CD46: variants seen among roughly 807,000 people sequenced by gnomAD.
CD46 encodes the protein CD46 molecule.
In CD46, 30 loss-of-function variants were observed where a neutral mutation model predicts 53.3. The ratio of observed to expected loss-of-function variants is 0.56; its 90% confidence interval spans 0.42 to 0.76. The LOEUF (loss-of-function observed/expected upper bound fraction) is 0.76. Among genes scored for constraint, CD46 ranks in the 30% least tolerant of loss-of-function variants. The probability of loss-of-function intolerance (pLI) is 0.00; values close to 1 mark genes in which losing one functional copy is unlikely to be tolerated. For missense variants in CD46, 409 were observed against 463.0 expected (o/e 0.88, Z 1.07); for synonymous variants, 142 against 152.0 (o/e 0.93, Z 0.48).
Position 207,761,394 on chromosome 1 carries a change from G to C in CD46, c.621G>C (p.Thr207=). 1 of 1,614,092 alleles carries C rather than the reference G, an allele frequency of 6.2e-7. No individual in the cohort carries two copies. Among genetic ancestry groups the C allele is most frequent in the Non-Finnish European group, 8.5e-7 (1 of 1,179,970 alleles). The part of the protein sequence containing the change: ...PDPFSLIGES[T]IYCGDNSVWS... ...CATTTTCACTTATTGGAGAGAGCACGATTTATTGTGGTGACAATTCAGTGT... is the reference window on the plus strand; with the variant it reads ...CATTTTCACTTATTGGAGAGAGCACCATTTATTGTGGTGACAATTCAGTGT... Residue 207 remains threonine (T), a synonymous_variant, in exon 5 of 13, where the codon ACG becomes ACC. Transcript: ENST00000367042.
chr1:207,758,816 G>A (rs1655861791), intron 3 of CD46, among the ~76,000 whole-genome samples: 1 of 152,026 alleles, frequency 6.6e-6, no homozygotes, highest in Non-Finnish European at 1.5e-5. Flanking sequence ...GCACACCGAG[G>A]GATACCAAAA....
At chr1:207,776,397 G>A (rs1658110217) in intron 8 of CD46, among the ~76,000 whole-genome samples, 1 of 152,210 alleles carries the variant, frequency 6.6e-6, no homozygotes, top group South Asian at 2.1e-4. Context: ...AGATGAACCA[G>A]GTATCTCAGT....
At chr1:207,767,382 TG>T (rs2102597510) in intron 6 of CD46, 187 bp downstream of exon 6, 1 of 720,546 alleles carries the variant, frequency 1.4e-6, no homozygotes, top group East Asian at 2.7e-5. Context: ...AAAATTCTGC[TG>T]TTGTGATTTT....
intron 4 of CD46, 47 bp downstream of exon 4, chr1:207,759,771 A>G (rs1421541878): frequency 1.8e-6 from 2 of 1,141,240 alleles, no homozygotes; most frequent in Non-Finnish European, 1.3e-6. Context: ...GTCCTCAAAG[A>G]TTTTTGCCTC....
intron 5 of CD46, among the ~76,000 whole-genome samples, chr1:207,765,688 G>A (rs1656763256): frequency 6.6e-6 from 1 of 152,194 alleles, no homozygotes; most frequent in Non-Finnish European, 1.5e-5. Context: ...GTATTGACAA[G>A]GATATGGAGC....
chr1:207,758,783 A>T (rs1445996689), intron 3 of CD46, among the ~76,000 whole-genome samples: 1 of 152,234 alleles, frequency 6.6e-6, no homozygotes, highest in East Asian at 1.9e-4. Flanking sequence ...TGGAATATTC[A>T]GTTGACACAT....
Position 207,761,229 on chromosome 1 carries a change from T to A in CD46, c.476-20T>A. The A allele has an allele frequency of 6.6e-7, 1 of 1,508,970 alleles. No individual in the cohort carries two copies. The highest frequency in any genetic ancestry group is 9.2e-7 in the Non-Finnish European group (1 of 1,087,740). 93.5% of individuals were successfully genotyped at this position (1,508,970 alleles called of 1,614,324 possible). On this transcript the variant is annotated intron_variant, in intron 4 of 12. Coordinates refer to ENST00000367042, the MANE Select transcript of CD46 (RefSeq NM_172351.3). Reference sequence around the variant, plus strand: ...TCTTAATCTTTTACATTTCCTTTCCTCTTTTTCTTCATTTTTAAGAGGTTT... The same window carrying A: ...TCTTAATCTTTTACATTTCCTTTCCACTTTTTCTTCATTTTTAAGAGGTTT...
At chr1:207,771,427 T>C (rs1182238282) in intron 8 of CD46, among the ~76,000 whole-genome samples, 1 of 152,232 alleles carries the variant, frequency 6.6e-6, no homozygotes, top group Non-Finnish European at 1.5e-5. Flanking sequence ...TATTTTGGCT[T>C]TTGTTGCCAT....
At chr1:207,776,619 T>C (rs1183699436) in intron 8 of CD46, among the ~76,000 whole-genome samples, 1 of 152,168 alleles carries the variant, frequency 6.6e-6, no homozygotes, top group African/African-American at 2.4e-5. Context: ...GGTTCTTGGT[T>C]TTTAGTTGTT....
intron 9 of CD46, among the ~76,000 whole-genome samples, 195 bp from the exon 10 acceptor site, chr1:207,784,876 G>A (rs1453302277): frequency 6.6e-6 from 1 of 152,196 alleles, no homozygotes; most frequent in Admixed American, 6.5e-5. Flanking sequence ...TAGCATGGGG[G>A]AAACTGCCTC....
At chr1:207,757,387 C>T (rs1487722315) in intron 2 of CD46, among the ~76,000 whole-genome samples, 153 bp from the exon 3 acceptor site, 6 of 152,048 alleles carry the variant, frequency 3.9e-5, no homozygotes, top group Non-Finnish European at 8.8e-5. Context: ...CAATAGATTG[C>T]CTGGGTGAAT....
intron 8 of CD46, among the ~76,000 whole-genome samples, chr1:207,780,044 A>G (rs1355814056): frequency 6.7e-6 from 1 of 149,872 alleles, no homozygotes; most frequent in East Asian, 2.0e-4. Context: ...CATTTTGACC[A>G]TTTTAAGTTT....
At chr1:207,793,061 A>AT (rs1255518100) in intron 12 of CD46, among the ~76,000 whole-genome samples, 5 of 152,218 alleles carry the variant, frequency 3.3e-5, no homozygotes, top group African/African-American at 1.2e-4. Flanking sequence ...AACTTTAGTT[A>AT]TTTAGGAGAC....
chr1:207,771,947 G>T (rs1478681570), intron 8 of CD46, among the ~76,000 whole-genome samples: 1 of 152,154 alleles, frequency 6.6e-6, no homozygotes, highest in African/African-American at 2.4e-5. Context: ...TTCAGTGGTA[G>T]CTTGATGTGG....
Position 207,795,208 on chromosome 1 carries a change from A to G in CD46, c.*1731A>G, listed in dbSNP as rs1288785321. 1 of 152,204 alleles carries G rather than the reference A, an allele frequency of 6.6e-6. No individual in the cohort carries two copies. The highest frequency in any genetic ancestry group is 1.9e-4 in the East Asian group (1 of 5,206). 9.4% of individuals were successfully genotyped at this position (152,204 alleles called of 1,614,324 possible). The stretch of plus-strand genomic sequence containing the variant: ...TTAATGTATAAAATAAATATTATAC[A>G]ATATACTTGTATAGCAGTTTCTGCT... On this transcript the variant is annotated 3_prime_UTR_variant, in exon 13 of 13. Transcript: ENST00000367042.
At chr1:207,778,528 T>A (rs1420021948) in intron 8 of CD46, among the ~76,000 whole-genome samples, 1 of 152,226 alleles carries the variant, frequency 6.6e-6, no homozygotes, top group Non-Finnish European at 1.5e-5. Flanking sequence ...CCCAGCACCA[T>A]TTATTTAATA....
At chr1:207,767,534 C>A in intron 6 of CD46, 2 of 1,203,398 alleles carry the variant, frequency 1.7e-6, no homozygotes, top group Non-Finnish European at 2.5e-6. Context: ...TCAACAATGG[C>A]ATAATTCATA....
intron 11 of CD46, among the ~76,000 whole-genome samples, chr1:207,787,352 A>T (rs558909542): frequency 3.3e-4 from 51 of 152,266 alleles, no homozygotes; most frequent in Non-Finnish European, 6.6e-4. Context: ...GATTACAGGC[A>T]TGAGCCACCG....
chr1:207,772,327 T>C (rs1657602354), intron 8 of CD46, among the ~76,000 whole-genome samples: 1 of 152,226 alleles, frequency 6.6e-6, no homozygotes, highest in East Asian at 1.9e-4. Flanking sequence ...TTTCTAAATA[T>C]GCAATCATGT....
Sources: allele counts gnomAD v4.1 joint callset (sites outside exome capture counted in the v4.1 genomes callset), GRCh38; gene constraint gnomAD v4.1.1; transcripts MANE v1.5; gene names NCBI Gene and HGNC (gene_info 2026-07-23, HGNC 2026-07-21).